DPT: variants seen among roughly 807,000 people sequenced by gnomAD.
The protein encoded by DPT is dermatopontin.
DPT carries 21 observed loss-of-function variants against 31.2 expected under a neutral mutation model. That is an observed-to-expected ratio of 0.67 (90% CI 0.48 to 0.97). The LOEUF is 0.97. Ranked by LOEUF, DPT falls within the 50% of genes least tolerant of loss-of-function variation. The pLI is 0.00. For missense variants in DPT, 262 were observed against 258.8 expected, an observed-to-expected ratio of 1.01 and a Z score of -0.08; for synonymous variants, 91 against 86.9, an observed-to-expected ratio of 1.05 and a Z score of -0.26.
At position 168,712,880 on chromosome 1, in the gene DPT, AT is replaced by A. The variant is rs965653505; in HGVS notation, c.431+1340del. Among the ~76,000 whole-genome samples, 6 of 152,228 alleles carry A rather than the reference AT, an allele frequency of 3.9e-5. No individual in the cohort carries two copies. In the South Asian group the frequency reaches 8.3e-4, roughly 21 times the overall value. On this transcript the variant is annotated intron_variant, in intron 2 of 3. Coordinates refer to ENST00000367817, the MANE Select transcript of DPT (RefSeq NM_001937.5). ...ACTATTGTATTAACATGCTAAGTGC[AT>A]TTTCCCCCCTGAAGACAAGGTCTAT...
At chr1:168,722,634 A>G (rs1223349394) in intron 1 of DPT, among the ~76,000 whole-genome samples, 1 of 152,190 alleles carries the variant, frequency 6.6e-6, no homozygotes, top group East Asian at 1.9e-4. Context: ...AAGGTAAGTA[A>G]TTCCCCTAAG....
chr1:168,717,635 C>G (rs567216560), intron 1 of DPT, among the ~76,000 whole-genome samples: 1 of 152,070 alleles, frequency 6.6e-6, no homozygotes, highest in Non-Finnish European at 1.5e-5. Flanking sequence ...TTTGTCCATG[C>G]CTGTGTCCTG....
intron 3 of DPT, among the ~76,000 whole-genome samples, chr1:168,699,606 A>AG (rs1649543739): frequency 6.6e-6 from 1 of 151,838 alleles, no homozygotes; most frequent in Non-Finnish European, 1.5e-5. Flanking sequence ...TTTTAAAAAA[A>AG]AAAAGAAATT....
In DPT at chr1:168,719,275, A is replaced by G. The variant is rs147402586; in HGVS notation, c.306-4929T>C. Among the ~76,000 whole-genome samples the G allele has an allele frequency of 3.4e-3, 515 of 152,206 alleles. 18 individuals are homozygous for G. In the South Asian group the frequency reaches 0.064, roughly 19 times the overall value. On this transcript the variant is annotated intron_variant, in intron 1 of 3. Transcript: ENST00000367817. ...GCTCCATGATGAGGGGGCAAAATAA[A>G]TATAGCTTTGGGCATTCCTCTCCTC... is the stretch of plus-strand genomic sequence containing the variant.
intron 2 of DPT, 72 bp downstream of exon 2, chr1:168,714,149 G>A (rs112162247): frequency 6.2e-7 from 1 of 1,600,270 alleles, no homozygotes; most frequent in Non-Finnish European, 8.5e-7. Context: ...AAGCTTACCT[G>A]AAGCTAGAGC....
At chr1:168,714,140 A>G in intron 2 of DPT, 81 bp downstream of exon 2, 3 of 1,593,446 alleles carry the variant, frequency 1.9e-6, no homozygotes, top group African/African-American at 1.3e-5. Context: ...GTGACCCTCA[A>G]GCTTACCTGA....
At chr1:168,722,285 T>C (rs905458365) in intron 1 of DPT, among the ~76,000 whole-genome samples, 2 of 152,230 alleles carry the variant, frequency 1.3e-5, no homozygotes, top group African/African-American at 4.8e-5. Flanking sequence ...ACTTATAATG[T>C]ACACATAATA....
intron 1 of DPT, among the ~76,000 whole-genome samples, chr1:168,723,298 C>G (rs533639753): frequency 6.6e-6 from 1 of 152,238 alleles, no homozygotes; most frequent in Non-Finnish European, 1.5e-5. Context: ...GCTAGCCATG[C>G]AAGGGCAACC....
chr1:168,698,943 A>C lies in DPT; in HGVS notation c.539+2074T>G, dbSNP rs1022487384. Reference sequence around the variant, plus strand: ...TTTTTGATGACAGTAGCAAAGTTGCATGAGTATATTTATTTTATTTTATTT... The same window carrying C: ...TTTTTGATGACAGTAGCAAAGTTGCCTGAGTATATTTATTTTATTTTATTT... On this transcript the variant is annotated intron_variant, in intron 3 of 3. Coordinates refer to ENST00000367817, the MANE Select transcript of DPT (RefSeq NM_001937.5). Among the ~76,000 whole-genome samples the C allele has an allele frequency of 2.6e-5, 4 of 152,212 alleles. No homozygotes were observed. In the East Asian group the frequency reaches 5.8e-4, roughly 22 times the overall value.
Position 168,696,408 on chromosome 1 carries a change from T to C in DPT, c.*141A>G. 1.5e-6 allele frequency: 1 copy of C among 651,804 alleles called. No homozygotes were observed. Among genetic ancestry groups the C allele is most frequent in the South Asian group, 2.0e-5 (1 of 50,454 alleles). The allele number at this position is 651,804 out of a possible 1,614,324, so 40.4% of individuals were successfully genotyped here. Reference sequence around the variant, plus strand: ...ATACTAGTCAGAAAGGCCCAGGAAGTTGGCATTGCAGTTACCAGCTCAGGG... The same window carrying C: ...ATACTAGTCAGAAAGGCCCAGGAAGCTGGCATTGCAGTTACCAGCTCAGGG... On this transcript the variant is annotated 3_prime_UTR_variant, in exon 4 of 4. Coordinates refer to ENST00000367817, the MANE Select transcript of DPT (RefSeq NM_001937.5).
intron 3 of DPT, among the ~76,000 whole-genome samples, chr1:168,699,761 T>G (rs906220180): frequency 1.3e-5 from 2 of 152,114 alleles, no homozygotes; most frequent in Non-Finnish European, 2.9e-5. Context: ...TTGCAAAATA[T>G]TTATTGGTAA....
rs570829665 is a variant in DPT at position 168,696,624 on chromosome 1, G to C, written c.540-9C>G. 1.2e-5 allele frequency: 19 copies of C among 1,613,168 alleles called. No homozygotes were observed. The South Asian group carries it at 2.0e-4, about 17-fold the overall frequency. On this transcript the variant is annotated splice_polypyrimidine_tract_variant and intron_variant, in intron 3 of 3. Coordinates refer to ENST00000367817, the MANE Select transcript of DPT (RefSeq NM_001937.5). ...ACTTCCACTGGCGATCCCTGTGGGA[G>C]GGAGAGTCAGAAAATGAATGTCAGT...
intron 2 of DPT, among the ~76,000 whole-genome samples, chr1:168,709,200 C>G (rs1166163196): frequency 6.6e-6 from 1 of 152,148 alleles, no homozygotes; most frequent in African/African-American, 2.4e-5. Flanking sequence ...ACCATCAGAT[C>G]CTGGGACACA....
chr1:168,708,367 G>A (rs1649768458), intron 2 of DPT, among the ~76,000 whole-genome samples: 1 of 152,156 alleles, frequency 6.6e-6, no homozygotes. Flanking sequence ...CAAGTTCAGA[G>A]AGGCTGCTGT....
At chr1:168,722,489 A>G (rs1339360608) in intron 1 of DPT, among the ~76,000 whole-genome samples, 1 of 152,194 alleles carries the variant, frequency 6.6e-6, no homozygotes, top group African/African-American at 2.4e-5. Flanking sequence ...AGGACTTGCA[A>G]TGTGCAGGCA....
At chr1:168,716,456 A>G (rs1649988244) in intron 1 of DPT, among the ~76,000 whole-genome samples, 1 of 151,678 alleles carries the variant, frequency 6.6e-6, no homozygotes, top group Admixed American at 6.6e-5. Flanking sequence ...GTGTAAATTG[A>G]GACCTATGGC....
intron 1 of DPT, among the ~76,000 whole-genome samples, chr1:168,726,268 G>T (rs796612583): frequency 3.0e-4 from 45 of 152,308 alleles, no homozygotes; most frequent in African/African-American, 1.1e-3. Context: ...TGACTCCCAT[G>T]GGCCAAATAA....
At chr1:168,728,349 T>G (rs1650293785) in intron 1 of DPT, among the ~76,000 whole-genome samples, 1 of 152,190 alleles carries the variant, frequency 6.6e-6, no homozygotes, top group Admixed American at 6.5e-5. Context: ...TCTTTTCCAT[T>G]CACTTGCTCT....
intron 1 of DPT, among the ~76,000 whole-genome samples, chr1:168,719,698 C>T (rs989377423): frequency 3.3e-5 from 5 of 151,992 alleles, no homozygotes; most frequent in African/African-American, 9.7e-5. Context: ...AATTGTATAA[C>T]ATGACCGCAG....
Sources: gnomAD v4.1 joint callset for allele counts (sites outside exome capture counted in the v4.1 genomes callset) on GRCh38, gnomAD v4.1.1 for gene constraint, MANE v1.5 for transcripts, NCBI Gene and HGNC (gene_info 2026-07-23, HGNC 2026-07-21) for gene names.